The following LGR4 variants were observed in gnomAD, a reference collection of about 807,000 sequenced individuals.
LGR4 encodes the protein leucine rich repeat containing G protein-coupled receptor 4, also known as leucine-rich repeat-containing G protein-coupled receptor 4.
A neutral mutation model predicts 84.8 loss-of-function variants in LGR4; 44 were observed. The observed-to-expected ratio is 0.52, with a 90% CI of 0.41 to 0.67. LGR4 has a LOEUF of 0.67. Among genes scored for constraint, LGR4 ranks in the 30% least tolerant of loss-of-function variants. The pLI is 0.00. For missense variants in LGR4, 1,032 were observed against 1,131.4 expected (o/e 0.91, Z 1.26); for synonymous variants, 429 against 434.3 (o/e 0.99, Z 0.15).
intron 1 of LGR4, among the ~76,000 whole-genome samples, chr11:27,427,744 T>C (rs1489341017): frequency 6.6e-6 from 1 of 152,174 alleles, no homozygotes; most frequent in Admixed American, 6.5e-5. Context: ...AAGAAACTGA[T>C]TGCTATGACT....
At chr11:27,438,211 T>G (rs1202360005) in intron 1 of LGR4, among the ~76,000 whole-genome samples, 2 of 152,210 alleles carry the variant, frequency 1.3e-5, no homozygotes, top group African/African-American at 2.4e-5. Flanking sequence ...ATAACTAGTA[T>G]GTATTACATA....
intron 1 of LGR4, among the ~76,000 whole-genome samples, chr11:27,464,872 A>G (rs1864748948): frequency 6.6e-6 from 1 of 152,124 alleles, no homozygotes; most frequent in Non-Finnish European, 1.5e-5. Context: ...TCAAGGGTCA[A>G]TTTTGTTTTT....
chr11:27,420,471 G>A (rs1286562380), intron 1 of LGR4, among the ~76,000 whole-genome samples: 3 of 152,190 alleles, frequency 2.0e-5, no homozygotes, highest in African/African-American at 2.4e-5. Flanking sequence ...GAAGATGATC[G>A]AATCAGACCT....
chr11:27,459,608 C>T (rs1381107418), intron 1 of LGR4, among the ~76,000 whole-genome samples: 3 of 151,940 alleles, frequency 2.0e-5, no homozygotes, highest in Non-Finnish European at 2.9e-5. Context: ...TCCCAAATAG[C>T]TGGGATTACA....
At chr11:27,399,826 G>A (rs1050868450) in intron 2 of LGR4, among the ~76,000 whole-genome samples, 3 of 151,994 alleles carry the variant, frequency 2.0e-5, no homozygotes, top group African/African-American at 7.2e-5. Context: ...GCTGGCAACT[G>A]TTTTAAAAAG....
intron 1 of LGR4, among the ~76,000 whole-genome samples, chr11:27,430,655 A>G (rs1403129192): frequency 6.6e-6 from 1 of 151,986 alleles, no homozygotes; most frequent in African/African-American, 2.4e-5. Context: ...CCTTGCCTCA[A>G]TCCAAGCCAT....
rs1355837274 is a variant in LGR4, at chr11:27,367,925, T to C, written c.2798A>G (p.Gln933Arg). The change falls in exon 18 of 18, where the codon CAG becomes CGG. Residue 933 changes from glutamine (Q) to arginine (R), a missense_variant. Transcript: ENST00000379214. ...GCGCACCAAAGGGAATCCTCTACTC[T>C]GGTAGAAGCAGGCTCGTCCACAGGC... ...VQACGRACFYQSRGFPLVRYA... is the reference protein window; with the variant it reads ...VQACGRACFYRSRGFPLVRYA... 12 of 1,612,244 alleles carry C rather than the reference T, an allele frequency of 7.4e-6. No individual in the cohort carries two copies. Among genetic ancestry groups the C allele is most frequent in the Non-Finnish European group, 5.9e-6 (7 of 1,179,528 alleles).
At chr11:27,413,717 A>G (rs1863755929) in intron 1 of LGR4, among the ~76,000 whole-genome samples, 1 of 152,096 alleles carries the variant, frequency 6.6e-6, no homozygotes, top group Non-Finnish European at 1.5e-5. Context: ...CCCTCTCTAG[A>G]ACCTGGCATG....
Position 27,367,611 on chromosome 11 carries a change from T to G in LGR4, c.*256A>C, listed in dbSNP as rs1862791677. 8.7e-6 allele frequency: 3 copies of G among 345,238 alleles called. No homozygotes were observed. Among genetic ancestry groups the G allele is most frequent in the Non-Finnish European group, 1.6e-5 (3 of 190,734 alleles). The allele number at this position is 345,238 out of a possible 1,614,324, so 21.4% of individuals were successfully genotyped here. On this transcript the variant is annotated 3_prime_UTR_variant, in exon 18 of 18. Transcript: ENST00000379214. ...TAACATTATATTGCTCTACTACACC[T>G]AAGATCCTTTTCAAGTCATATATTT...
chr11:27,405,059 A>T (rs1344275940), intron 2 of LGR4, among the ~76,000 whole-genome samples: 1 of 152,198 alleles, frequency 6.6e-6, no homozygotes, highest in African/African-American at 2.4e-5. Flanking sequence ...ACAACTTCTA[A>T]GCTTTAACCA....
In LGR4 at chr11:27,372,338, T is replaced by C. The variant is rs745673714; in HGVS notation, c.1440A>G (p.Ala480=). The change falls in exon 16 of 18, where the codon GCA becomes GCG. Residue 480 remains alanine, a synonymous_variant. Transcript: ENST00000379214. The stretch of plus-strand genomic sequence containing the variant: ...GGCTGTTATCTTCTGTGTTTAAATT[T>C]GCATAAGAGTCACAACCCCAAAATG... ...CCAFWGCDSY[A]NLNTEDNSLQ... 6 of 1,613,962 alleles carry C rather than the reference T, an allele frequency of 3.7e-6. No homozygotes were observed. The highest frequency in any genetic ancestry group is 4.2e-6 in the Non-Finnish European group (5 of 1,179,848).
intron 1 of LGR4, among the ~76,000 whole-genome samples, chr11:27,456,794 T>C (rs1292749228): frequency 6.6e-6 from 1 of 152,186 alleles, no homozygotes; most frequent in African/African-American, 2.4e-5. Flanking sequence ...TTTTTAAAAG[T>C]TCTGCTATGA....
intron 1 of LGR4, among the ~76,000 whole-genome samples, chr11:27,428,661 C>T (rs186257379): frequency 6.6e-6 from 1 of 152,274 alleles, no homozygotes; most frequent in East Asian, 1.9e-4. Context: ...AGATAAGAGC[C>T]CCCTGAGGGG....
intron 2 of LGR4, among the ~76,000 whole-genome samples, chr11:27,396,946 T>C (rs995584101): frequency 6.6e-6 from 1 of 152,184 alleles, no homozygotes; most frequent in African/African-American, 2.4e-5. Flanking sequence ...AGAGTGTCTC[T>C]CTGCAAGGTT....
intron 1 of LGR4, among the ~76,000 whole-genome samples, chr11:27,448,521 A>G (rs1864431154): frequency 1.3e-5 from 2 of 151,902 alleles, no homozygotes; most frequent in African/African-American, 2.4e-5. Context: ...CGAACTCCCG[A>G]CCTCAGGTGA....
At chr11:27,386,285 A>G (rs929254812) in intron 4 of LGR4, among the ~76,000 whole-genome samples, 5 of 152,242 alleles carry the variant, frequency 3.3e-5, no homozygotes, top group African/African-American at 9.6e-5. Flanking sequence ...AGTCCTACGT[A>G]TTATTGTTGG....
intron 1 of LGR4, among the ~76,000 whole-genome samples, chr11:27,427,775 GT>G (rs1445642829): frequency 2.0e-5 from 3 of 152,192 alleles, no homozygotes; most frequent in Non-Finnish European, 2.9e-5. Flanking sequence ...TGCCAATGAA[GT>G]TACTATTCAG....
chr11:27,440,094 C>T (rs1864279229), intron 1 of LGR4, among the ~76,000 whole-genome samples: 1 of 152,084 alleles, frequency 6.6e-6, no homozygotes, highest in South Asian at 2.1e-4. Context: ...TTAGTAGAGA[C>T]GTGGTTTCAC....
At chr11:27,410,377 A>T (rs1863687541) in intron 2 of LGR4, among the ~76,000 whole-genome samples, 3 of 152,128 alleles carry the variant, frequency 2.0e-5, no homozygotes, top group African/African-American at 7.2e-5. Flanking sequence ...CATTCATCAC[A>T]TCAAATTTTG....
Sources: allele counts gnomAD v4.1 joint callset (sites outside exome capture counted in the v4.1 genomes callset), GRCh38; gene constraint gnomAD v4.1.1; transcripts MANE v1.5; gene names NCBI Gene and HGNC (gene_info 2026-07-23, HGNC 2026-07-21).